The following DAW1 variants were observed in gnomAD, a reference collection of about 807,000 sequenced individuals.
DAW1 encodes dynein assembly factor with WD repeat domains 1.
A neutral mutation model predicts 56.5 loss-of-function variants in DAW1; 47 were observed. The ratio of observed to expected loss-of-function variants is 0.83; its 90% confidence interval spans 0.66 to 1.06. The LOEUF is 1.06. DAW1 is among the 50% of genes least tolerant of loss of function. DAW1 has a pLI of 0.00. For missense variants in DAW1, 505 were observed against 499.3 expected (o/e 1.01, Z -0.11); for synonymous variants, 190 against 179.0 (o/e 1.06, Z -0.49).
chr2:227,913,845 A>G (rs1043956821), intron 10 of DAW1, among the ~76,000 whole-genome samples: 1 of 150,692 alleles, frequency 6.6e-6, no homozygotes, highest in African/African-American at 2.4e-5. Context: ...CAACATGTCT[A>G]CACCTTCTGC....
At chr2:227,907,309 C>T in intron 10 of DAW1, 57 bp downstream of exon 10, 1 of 1,415,252 alleles carries the variant, frequency 7.1e-7, no homozygotes, top group Non-Finnish European at 9.8e-7. Flanking sequence ...TGCTTGATAA[C>T]CATGCATAAT....
intron 2 of DAW1, chr2:227,889,447 T>G (rs929182715): frequency 3.9e-5 from 6 of 153,452 alleles, no homozygotes; most frequent in African/African-American, 1.4e-4. Flanking sequence ...TCTAATCCCA[T>G]TCAGAAGGGC....
rs576730407 is a variant in DAW1, at chr2:227,909,014, T to C, written c.973+1762T>C. Among the ~76,000 whole-genome samples the C allele has an allele frequency of 6.7e-4, 102 of 152,372 alleles. No individual in the cohort carries two copies. In the South Asian group the frequency reaches 0.02, roughly 30 times the overall value. ...ATTGTATCTATGTCATGTATCTGAC[T>C]ATGTTTAATTTACACTGTTTTTATC... On this transcript the variant is annotated intron_variant, in intron 10 of 12. Coordinates refer to ENST00000309931, the MANE Select transcript of DAW1 (RefSeq NM_178821.3).
At chr2:227,893,367 T>A (rs16824154) in intron 4 of DAW1, among the ~76,000 whole-genome samples, 19,463 of 151,494 alleles carry the variant, frequency 0.13, 2,041 homozygotes, top group African/African-American at 0.29. Context: ...ATGATTTCCA[T>A]TGTAAAAAGC....
At chr2:227,919,543 GT>G (rs1459974300) in intron 11 of DAW1, among the ~76,000 whole-genome samples, 1 of 152,138 alleles carries the variant, frequency 6.6e-6, no homozygotes, top group African/African-American at 2.4e-5. Context: ...AGTATCAAGT[GT>G]TCTGTAAGTT....
At chr2:227,908,393 C>T (rs1202960434) in intron 10 of DAW1, among the ~76,000 whole-genome samples, 1 of 152,180 alleles carries the variant, frequency 6.6e-6, no homozygotes, top group East Asian at 1.9e-4. Context: ...GTTGAAGCCA[C>T]ATGCAATGCT....
intron 3 of DAW1, among the ~76,000 whole-genome samples, chr2:227,890,988 G>A (rs1487221544): frequency 6.6e-6 from 1 of 152,108 alleles, no homozygotes; most frequent in African/African-American, 2.4e-5. Context: ...ATAATACATT[G>A]TCAAATCTTT....
chr2:227,919,169 C>G (rs1056690531), intron 11 of DAW1, among the ~76,000 whole-genome samples: 1 of 145,708 alleles, frequency 6.9e-6, no homozygotes, highest in African/African-American at 2.6e-5. Flanking sequence ...GCATTCCAGC[C>G]TGGGTGACAG....
chr2:227,871,635 T>A lies in DAW1; in HGVS notation c.-55T>A, dbSNP rs1292567773. 1 of 1,599,438 alleles carries A rather than the reference T, an allele frequency of 6.3e-7. No individual in the cohort carries two copies. Among genetic ancestry groups the A allele is most frequent in the Non-Finnish European group, 8.5e-7 (1 of 1,172,782 alleles). Reference sequence around the variant, plus strand: ...CATGCGCACCCGCGTCCCGCTGCTGTTTAGCCGTTTCCAAGGCTACGAAGC... The same window carrying A: ...CATGCGCACCCGCGTCCCGCTGCTGATTAGCCGTTTCCAAGGCTACGAAGC... On this transcript the variant is annotated 5_prime_UTR_variant, in exon 1 of 13. Coordinates refer to ENST00000309931, the MANE Select transcript of DAW1 (RefSeq NM_178821.3).
At chr2:227,875,351 CAT>C (rs1008447635) in intron 1 of DAW1, among the ~76,000 whole-genome samples, 2 of 152,126 alleles carry the variant, frequency 1.3e-5, no homozygotes, top group African/African-American at 4.8e-5. Flanking sequence ...TAAATATGAC[CAT>C]GTCACTCTTC....
intron 6 of DAW1, among the ~76,000 whole-genome samples, chr2:227,902,708 C>T (rs1691575029): frequency 6.6e-6 from 1 of 152,096 alleles, no homozygotes; most frequent in Non-Finnish European, 1.5e-5. Flanking sequence ...TAGCACGGAT[C>T]TTAAAGGAGG....
At chr2:227,923,907 A>C in intron 12 of DAW1, 27 bp from the exon 13 acceptor site, 2 of 1,612,834 alleles carry the variant, frequency 1.2e-6, no homozygotes, top group South Asian at 1.1e-5. Context: ...GAAGAAAAAA[A>C]TAACTGCATG....
chr2:227,879,230 C>T (rs1415908104), intron 1 of DAW1, among the ~76,000 whole-genome samples: 3 of 152,320 alleles, frequency 2.0e-5, no homozygotes, highest in Middle Eastern at 6.8e-3. Flanking sequence ...TGTCTTCAAG[C>T]TGCTGATGTG....
At chr2:227,894,155 A>T (rs1691351825) in intron 5 of DAW1, among the ~76,000 whole-genome samples, 1 of 151,978 alleles carries the variant, frequency 6.6e-6, no homozygotes, top group Admixed American at 6.6e-5. Flanking sequence ...TAATCCTAGC[A>T]CTCTGGGAGG....
chr2:227,919,097 G>C (rs1394452994), intron 11 of DAW1, among the ~76,000 whole-genome samples: 2 of 151,536 alleles, frequency 1.3e-5, no homozygotes, highest in Non-Finnish European at 2.9e-5. Flanking sequence ...TGTGGAGGCT[G>C]AGGAAGGAGG....
chr2:227,904,873 C>A, intron 7 of DAW1, 56 bp from the exon 8 acceptor site: 1 of 1,489,030 alleles, frequency 6.7e-7, no homozygotes, highest in Non-Finnish European at 9.3e-7. Flanking sequence ...ATATTGTACG[C>A]TTGCAGAAAT....
intron 10 of DAW1, among the ~76,000 whole-genome samples, chr2:227,917,182 A>T (rs376417120): frequency 7.0e-6 from 1 of 142,778 alleles, no homozygotes; most frequent in Admixed American, 7.2e-5. Flanking sequence ...CTGTCTGTCT[A>T]TCTATGTATC....
intron 2 of DAW1, among the ~76,000 whole-genome samples, chr2:227,888,397 G>A (rs1691179009): frequency 6.6e-6 from 1 of 152,232 alleles, no homozygotes; most frequent in South Asian, 2.1e-4. Context: ...TGAAGCAGAA[G>A]CAGGATCAGG....
rs766254716 is a variant in DAW1, at chr2:227,903,012, C to T, written c.551C>T (p.Ser184Leu). ...RGHTAEIVCL[S>L]FNPQSTLVAT... ...TTTTATGTAATTTAGGTGTGTTTATCATTTAACCCTCAAAGCACATTGGTG... is the reference window on the plus strand; with the variant it reads ...TTTTATGTAATTTAGGTGTGTTTATTATTTAACCCTCAAAGCACATTGGTG... Residue 184 changes from serine (S) to leucine (L), a missense_variant, in exon 7 of 13, where the codon TCA becomes TTA. Coordinates refer to ENST00000309931, the MANE Select transcript of DAW1 (RefSeq NM_178821.3). 6.2e-7 allele frequency: 1 copy of T among 1,614,058 alleles called. No homozygotes were observed. Among genetic ancestry groups the T allele is most frequent in the Non-Finnish European group, 8.5e-7 (1 of 1,179,974 alleles).
Sources: gnomAD v4.1 joint callset for allele counts (sites outside exome capture counted in the v4.1 genomes callset) on GRCh38, gnomAD v4.1.1 for gene constraint, MANE v1.5 for transcripts, NCBI Gene and HGNC (gene_info 2026-07-23, HGNC 2026-07-21) for gene names.